TTLL11: variants seen among roughly 807,000 people sequenced by gnomAD.
The protein encoded by TTLL11 is tubulin polyglutamylase TTLL11.
In TTLL11, 42 loss-of-function variants were observed where a neutral mutation model predicts 51.7. That is an observed-to-expected ratio of 0.81 (90% CI 0.64 to 1.05). The LOEUF (loss-of-function observed/expected upper bound fraction) is 1.05. Among genes scored for constraint, TTLL11 ranks in the 50% least tolerant of loss-of-function variants. The probability of loss-of-function intolerance (pLI) is 0.00; values close to 1 mark genes in which losing one functional copy is unlikely to be tolerated. For missense variants in TTLL11, 799 were observed against 940.4 expected, an observed-to-expected ratio of 0.85 and a Z score of 1.97; for synonymous variants, 381 against 383.5, an observed-to-expected ratio of 0.99 and a Z score of 0.08.
intron 8 of TTLL11, among the ~76,000 whole-genome samples, chr9:121,854,485 T>TA (rs1056469115): frequency 6.6e-6 from 1 of 152,188 alleles, no homozygotes; most frequent in African/African-American, 2.4e-5. Flanking sequence ...GCTTATATCT[T>TA]AAAATAGCAA....
At chr9:121,999,067 C>T (rs1237166392) in intron 3 of TTLL11, among the ~76,000 whole-genome samples, 2 of 152,190 alleles carry the variant, frequency 1.3e-5, no homozygotes, top group Non-Finnish European at 2.9e-5. Flanking sequence ...CCTCATCCCT[C>T]GATTCTCTTG....
intron 4 of TTLL11, among the ~76,000 whole-genome samples, chr9:121,975,865 G>A (rs1842695807): frequency 6.6e-6 from 1 of 152,144 alleles, no homozygotes; most frequent in South Asian, 2.1e-4. Context: ...TATTGATTAG[G>A]CACCTACTAG....
At chr9:122,083,317 G>A (rs1846045457) in intron 1 of TTLL11, among the ~76,000 whole-genome samples, 1 of 152,056 alleles carries the variant, frequency 6.6e-6, no homozygotes, top group African/African-American at 2.4e-5. Context: ...CCCTCCCTCA[G>A]TGACTCATGA....
intron 8 of TTLL11, among the ~76,000 whole-genome samples, chr9:121,838,624 C>T (rs1588059560): frequency 6.6e-6 from 1 of 152,288 alleles, no homozygotes; most frequent in South Asian, 2.1e-4. Flanking sequence ...GAGGCTGAAG[C>T]ACAAGAATCG....
At chr9:122,047,578 G>A (rs1845050095) in intron 1 of TTLL11, among the ~76,000 whole-genome samples, 3 of 152,002 alleles carry the variant, frequency 2.0e-5, no homozygotes, top group Non-Finnish European at 4.4e-5. Flanking sequence ...AGACCACAGA[G>A]AGAGAGAGTA....
At chr9:121,826,557 G>GTGTGTATATATATATATATATA (rs1189626793) in intron 8 of TTLL11, among the ~76,000 whole-genome samples, 20 of 51,342 alleles carry the variant, frequency 3.9e-4, no homozygotes, top group African/African-American at 1.2e-3. Flanking sequence ...ATATGTGTGT[G>GTGTGTATATATATATATATATA]TATATATATA....
chr9:121,820,706 C>G lies in TTLL11; in HGVS notation c.*1881G>C, dbSNP rs980513485. Among the ~76,000 whole-genome samples the G allele has an allele frequency of 6.6e-6, 1 of 151,986 alleles. No homozygotes were observed. Among genetic ancestry groups the G allele is most frequent in the Non-Finnish European group, 1.5e-5 (1 of 67,984 alleles). On this transcript the variant is annotated 3_prime_UTR_variant, in exon 9 of 9. Coordinates refer to ENST00000321582, the MANE Select transcript of TTLL11 (RefSeq NM_001139442.2). ...CAGACCTGCCCTACTACCTGGGGAACTGAGCCGATGACACCTCCACAGTGC... is the reference window on the plus strand; with the variant it reads ...CAGACCTGCCCTACTACCTGGGGAAGTGAGCCGATGACACCTCCACAGTGC...
At chr9:122,015,351 T>G (rs1843931207) in intron 3 of TTLL11, among the ~76,000 whole-genome samples, 1 of 152,152 alleles carries the variant, frequency 6.6e-6, no homozygotes, top group South Asian at 2.1e-4. Flanking sequence ...AAGTTCTATT[T>G]TTGGCAACAA....
chr9:121,855,072 AC>A (rs1428401662), intron 8 of TTLL11, among the ~76,000 whole-genome samples: 1 of 152,152 alleles, frequency 6.6e-6, no homozygotes, highest in African/African-American at 2.4e-5. Flanking sequence ...CAGGGTGCAG[AC>A]GGGGGGTTCC....
rs2131707535 is a variant in TTLL11, at chr9:121,995,208, G to C, written c.694-5438C>G. 6.6e-6 allele frequency among the ~76,000 whole-genome samples: 1 copy of C among 152,248 alleles called. No individual in the cohort carries two copies. On this transcript the variant is annotated intron_variant, in intron 3 of 8. Coordinates refer to ENST00000321582, the MANE Select transcript of TTLL11 (RefSeq NM_001139442.2). This position sits in a 1 kb window ranked among gnomAD's most constrained non-coding sequence, Gnocchi z 4.4. ...AGAGACAGGATAGAGAGGAAGAAGA[G>C]GGCACCTGGGAGCCAGAGGCTGGAA... is the stretch of plus-strand genomic sequence containing the variant.
intron 2 of TTLL11, 46 bp downstream of exon 2, chr9:122,039,226 C>G (rs750294218): frequency 1.3e-6 from 2 of 1,508,924 alleles, no homozygotes; most frequent in African/African-American, 1.4e-5. Context: ...GTATCTGAGA[C>G]TTGGCCCTAG....
intron 8 of TTLL11, among the ~76,000 whole-genome samples, chr9:121,854,201 A>G (rs1837750392): frequency 1.3e-5 from 2 of 152,154 alleles, no homozygotes; most frequent in African/African-American, 4.8e-5. Context: ...TTGGGTATAT[A>G]GCAAGTCAAC....
intron 6 of TTLL11, among the ~76,000 whole-genome samples, chr9:121,972,632 A>G (rs1842606819): frequency 1.3e-5 from 2 of 152,276 alleles, no homozygotes; most frequent in Admixed American, 6.5e-5. Context: ...GACTATGACC[A>G]ATACTTCTTC....
chr9:122,064,778 G>A (rs985747121), intron 1 of TTLL11, among the ~76,000 whole-genome samples: 2 of 152,330 alleles, frequency 1.3e-5, no homozygotes, highest in Non-Finnish European at 2.9e-5. Context: ...GACAAAGGAG[G>A]AGGGAAGAGG....
At chr9:121,893,582 CATGTCCTTTCCCCACTCTGCG>C (rs1338682700) in intron 6 of TTLL11, among the ~76,000 whole-genome samples, 1 of 152,150 alleles carries the variant, frequency 6.6e-6, no homozygotes, top group African/African-American at 2.4e-5. Context: ...GTTATCAAAA[CATGTCCTTTCCCCACTCTGCG>C]ATGTTCCTTC....
At chr9:121,918,718 T>C (rs1016830794) in intron 6 of TTLL11, among the ~76,000 whole-genome samples, 4 of 152,316 alleles carry the variant, frequency 2.6e-5, no homozygotes, top group Non-Finnish European at 4.4e-5. Context: ...AAATAACCCA[T>C]GTCATCAATC....
chr9:122,024,013 T>C (rs1844259317), intron 3 of TTLL11, among the ~76,000 whole-genome samples: 2 of 152,064 alleles, frequency 1.3e-5, no homozygotes, highest in Non-Finnish European at 1.5e-5. Context: ...GACAAAACCA[T>C]TCAATTCTCA....
At chr9:121,891,224 C>T (rs1441114420) in intron 6 of TTLL11, among the ~76,000 whole-genome samples, 4 of 152,218 alleles carry the variant, frequency 2.6e-5, no homozygotes, top group Non-Finnish European at 5.9e-5. Context: ...TCACTGAGCA[C>T]ATCATAGCTG....
intron 6 of TTLL11, among the ~76,000 whole-genome samples, chr9:121,951,832 T>C (rs1171493318): frequency 1.3e-5 from 2 of 152,230 alleles, no homozygotes; most frequent in African/African-American, 2.4e-5. Flanking sequence ...TTGCCCATTT[T>C]TATGGTTATT....
Sources: allele counts gnomAD v4.1 joint callset (sites outside exome capture counted in the v4.1 genomes callset), GRCh38; gene constraint gnomAD v4.1.1; non-coding constraint Gnocchi (gnomAD v3.1); transcripts MANE v1.5; gene names NCBI Gene and HGNC (gene_info 2026-07-23, HGNC 2026-07-21).